Variants in NOS1AP observed in about 807,000 individuals in gnomAD.
The protein encoded by NOS1AP is nitric oxide synthase 1 adaptor protein, also known as carboxyl-terminal PDZ ligand of neuronal nitric oxide synthase protein.
Under a neutral mutation model 56.2 loss-of-function variants are expected in NOS1AP, and 21 were observed. That is an observed-to-expected ratio of 0.37 (90% CI 0.26 to 0.54). The LOEUF (loss-of-function observed/expected upper bound fraction) is 0.54, where lower values mean the gene tolerates loss of function less well. NOS1AP is among the 20% of genes least tolerant of loss of function. The pLI is 0.84. For synonymous variants in NOS1AP, 270 were observed against 274.6 expected, an observed-to-expected ratio of 0.98 and a Z score of 0.17; for missense variants, 522 against 657.8, an observed-to-expected ratio of 0.79 and a Z score of 2.26.
intron 2 of NOS1AP, among the ~76,000 whole-genome samples, chr1:162,181,044 C>T (rs1263745431): frequency 6.6e-6 from 1 of 152,206 alleles, no homozygotes. Flanking sequence ...GTGCAATTTC[C>T]ATGCAAATGT....
At chr1:162,194,855 C>T (rs1651755864) in intron 2 of NOS1AP, among the ~76,000 whole-genome samples, 1 of 152,152 alleles carries the variant, frequency 6.6e-6, no homozygotes, top group Non-Finnish European at 1.5e-5. Context: ...TGGGTTGGCA[C>T]ATTCAGTCCT....
intron 5 of NOS1AP, among the ~76,000 whole-genome samples, chr1:162,334,835 G>T (rs1656886517): frequency 6.6e-6 from 1 of 152,168 alleles, no homozygotes; most frequent in Non-Finnish European, 1.5e-5. Context: ...ATAAACTGAG[G>T]CTCAGAGAGG....
intron 1 of NOS1AP, among the ~76,000 whole-genome samples, chr1:162,131,933 A>G (rs1314076400): frequency 6.6e-6 from 1 of 152,226 alleles, no homozygotes; most frequent in African/African-American, 2.4e-5. Flanking sequence ...AGAGGTAGCA[A>G]CCTTGTTTGC....
At chr1:162,081,743 T>G (rs1283995890) in intron 1 of NOS1AP, among the ~76,000 whole-genome samples, 6 of 92,388 alleles carry the variant, frequency 6.5e-5, no homozygotes, top group Admixed American at 3.9e-4. Flanking sequence ...TATATCTATA[T>G]CTATATCTAT....
intron 8 of NOS1AP, chr1:162,364,533 G>A (rs1658006573): frequency 3.0e-6 from 3 of 985,472 alleles, no homozygotes; most frequent in Admixed American, 6.1e-5. Flanking sequence ...CAAGAACAGA[G>A]CTGTTGACAC....
intron 2 of NOS1AP, among the ~76,000 whole-genome samples, chr1:162,257,314 T>A (rs1026428269): frequency 5.3e-5 from 8 of 151,970 alleles, no homozygotes; most frequent in African/African-American, 1.9e-4. Flanking sequence ...GATGTGATTT[T>A]TCTAGGAAGT....
chr1:162,131,191 C>T (rs10918720), intron 1 of NOS1AP, among the ~76,000 whole-genome samples: 36,242 of 151,710 alleles, frequency 0.24, 8,176 homozygotes, highest in African/African-American at 0.6. Flanking sequence ...TGCTAGGTTT[C>T]GAGTTTCAAG....
intron 3 of NOS1AP, among the ~76,000 whole-genome samples, chr1:162,295,856 C>G (rs1655439795): frequency 4.6e-5 from 7 of 152,114 alleles, no homozygotes; most frequent in Admixed American, 4.6e-4. Flanking sequence ...GGGCGGCTAA[C>G]AAGGAGTGAC....
At chr1:162,255,311 G>C (rs1213262045) in intron 2 of NOS1AP, among the ~76,000 whole-genome samples, 1 of 152,042 alleles carries the variant, frequency 6.6e-6, no homozygotes, top group African/African-American at 2.4e-5. Flanking sequence ...TCCAGAAGCT[G>C]CATCTTTGCT....
At position 162,119,246 on chromosome 1, in the gene NOS1AP, G is replaced by A. The variant is rs191925889; in HGVS notation, c.106-35159G>A. Among the ~76,000 whole-genome samples, 581 of 152,292 alleles carry A rather than the reference G, an allele frequency of 3.8e-3. 10 individuals are homozygous for A. Among genetic ancestry groups the A allele is most frequent in the Non-Finnish European group, 4.8e-3 (326 of 68,030 alleles). ...GAGGAATAGCAGCAAGAGCTCTGGA[G>A]AAAGTCTCTCCAGGCATTCTAGAGA... is the stretch of plus-strand genomic sequence containing the variant. On this transcript the variant is annotated intron_variant, in intron 1 of 9. Transcript: ENST00000361897.
At chr1:162,176,027 A>C (rs1249034767) in intron 2 of NOS1AP, among the ~76,000 whole-genome samples, 1 of 152,130 alleles carries the variant, frequency 6.6e-6, no homozygotes, top group African/African-American at 2.4e-5. Context: ...TACAGACTCC[A>C]CTGATTTCTA....
intron 2 of NOS1AP, among the ~76,000 whole-genome samples, chr1:162,248,299 T>C (rs905337318): frequency 1.3e-5 from 2 of 152,134 alleles, no homozygotes; most frequent in African/African-American, 2.4e-5. Context: ...GACTCAGGCA[T>C]GTGAAGTGCC....
intron 1 of NOS1AP, among the ~76,000 whole-genome samples, chr1:162,146,303 G>A (rs1649463963): frequency 1.3e-5 from 2 of 151,562 alleles, no homozygotes; most frequent in Admixed American, 6.6e-5. Context: ...CTGAGGTGGG[G>A]AGCAGTTAAA....
intron 2 of NOS1AP, among the ~76,000 whole-genome samples, chr1:162,234,764 G>C (rs1222342794): frequency 6.6e-6 from 1 of 152,174 alleles, no homozygotes; most frequent in African/African-American, 2.4e-5. Context: ...ACAGTGCTCT[G>C]TTGCAGGACC....
chr1:162,172,989 T>C (rs1650873437), intron 2 of NOS1AP, among the ~76,000 whole-genome samples: 1 of 151,934 alleles, frequency 6.6e-6, no homozygotes, highest in Non-Finnish European at 1.5e-5. Flanking sequence ...TGGCGCAATC[T>C]TGGCTCATTG....
intron 1 of NOS1AP, among the ~76,000 whole-genome samples, chr1:162,104,524 T>C (rs1255984003): frequency 4.6e-5 from 7 of 152,134 alleles, no homozygotes; most frequent in Non-Finnish European, 1.0e-4. Flanking sequence ...TTCCTTTTTT[T>C]CCCATCTCTT....
chr1:162,200,540 ATC>A, intron 2 of NOS1AP, among the ~76,000 whole-genome samples: 1 of 152,300 alleles, frequency 6.6e-6, no homozygotes, highest in African/African-American at 2.4e-5. Flanking sequence ...GGAGAGGATT[ATC>A]TCCAGAGAGC....
chr1:162,182,969 G>A (rs1651310778), intron 2 of NOS1AP, among the ~76,000 whole-genome samples: 1 of 152,162 alleles, frequency 6.6e-6, no homozygotes, highest in Admixed American at 6.5e-5. Flanking sequence ...ATGTTCTAAT[G>A]GCATCCAGAA....
chr1:162,161,175 A>G (rs1650198284), intron 2 of NOS1AP, among the ~76,000 whole-genome samples: 1 of 152,154 alleles, frequency 6.6e-6, no homozygotes, highest in South Asian at 2.1e-4. Flanking sequence ...ATCCAGGATA[A>G]TCTCCCCTTC....
Sources: gnomAD v4.1 joint callset for allele counts (sites outside exome capture counted in the v4.1 genomes callset) on GRCh38, gnomAD v4.1.1 for gene constraint, MANE v1.5 for transcripts, NCBI Gene and HGNC (gene_info 2026-07-23, HGNC 2026-07-21) for gene names.